Variants in NIN observed in about 807,000 individuals in gnomAD.
NIN encodes the protein ninein.
Under a neutral mutation model 257.6 loss-of-function variants are expected in NIN, and 137 were observed. The ratio of observed to expected loss-of-function variants is 0.53; its 90% confidence interval spans 0.46 to 0.61. The LOEUF is 0.61. Ranked by LOEUF, NIN falls within the 20% of genes least tolerant of loss-of-function variation. The pLI, the probability that NIN is intolerant of heterozygous loss-of-function variation, is 0.00. For missense variants in NIN, 2,439 were observed against 2,501.2 expected (o/e 0.98, Z 0.53); for synonymous variants, 918 against 919.8 (o/e 1.00, Z 0.04).
In NIN at chr14:50,757,237, C is replaced by T. The variant is rs2042069732; in HGVS notation, c.3793G>A (p.Glu1265Lys). 6.2e-7 allele frequency: 1 copy of T among 1,614,136 alleles called. No individual in the cohort carries two copies. The highest frequency in any genetic ancestry group is 8.5e-7 in the Non-Finnish European group (1 of 1,180,022). The part of the protein sequence containing the change: ...VSRENDCLQE[E>K]LRMMETRYDE... ...TAGCGTGTCTCCATCATTCTCAGCT[C>T]TTCCTGAAGGCAGTCATTTTCTCGG... The change falls in exon 18 of 31, where the codon GAG becomes AAG. Residue 1265 changes from glutamate (E) to lysine (K), a missense_variant. By Grantham distance (56) the Glu-to-Lys change is moderately conservative. Coordinates refer to ENST00000530997, the MANE Select transcript of NIN (RefSeq NM_020921.4).
At position 50,766,861 on chromosome 14, in the gene NIN, T is replaced by C. The variant is rs2042508700; in HGVS notation, c.1464A>G (p.Leu488=). 1 of 1,613,870 alleles carries C rather than the reference T, an allele frequency of 6.2e-7. No homozygotes were observed. The highest frequency in any genetic ancestry group is 1.3e-5 in the African/African-American group (1 of 75,060). The change falls in exon 13 of 31, where the codon CTA becomes CTG. Residue 488 remains leucine (L), a synonymous_variant. Coordinates refer to ENST00000530997, the MANE Select transcript of NIN (RefSeq NM_020921.4). ...KENSRLENEL[L]ENAEKLAEYE... is the part of the protein sequence containing the mutation. ...ATTCTGCCAACTTCTCTGCATTTTC[T>C]AGAAGCTCATTTTCCAGACGACTGT...
In NIN at chr14:50,752,609, T is replaced by G. The variant is rs1362624901; in HGVS notation, c.4859A>C (p.Gln1620Pro). The change falls in exon 21 of 31, where the codon CAG becomes CCG. Residue 1620 changes from glutamine (Q) to proline (P), a missense_variant. Transcript: ENST00000530997. ...ACTGTTTCCTGGCTCTTTTTCCTTC[T>G]GGCATAGCATTTCTGTTAGACGTTG... ...LNQRLTEMLCQKEKEPGNSAL... is the reference protein window; with the variant it reads ...LNQRLTEMLCPKEKEPGNSAL... The G allele has an allele frequency of 6.2e-7, 1 of 1,614,116 alleles. No individual in the cohort carries two copies. Among genetic ancestry groups the G allele is most frequent in the Admixed American group, 1.7e-5 (1 of 60,034 alleles).
chr14:50,762,265 A>G (rs1368194065), intron 15 of NIN, among the ~76,000 whole-genome samples: 1 of 152,154 alleles, frequency 6.6e-6, no homozygotes, highest in African/African-American at 2.4e-5. Context: ...AGCATGAGGT[A>G]GTTTGGTCAA....
chr14:50,727,157 A>G lies in NIN; in HGVS notation c.6079-1091T>C, dbSNP rs899213944. On this transcript the variant is annotated intron_variant, in intron 29 of 30. Transcript: ENST00000530997. ...ATGATGTCTATTTGCCCAACAAAGC[A>G]AAACAAAAAAAAAGATAATTCAAAG... 1.7e-5 allele frequency: 11 copies of G among 639,836 alleles called. No individual in the cohort carries two copies. In the Admixed American group the frequency reaches 3.8e-4, roughly 22 times the overall value. The allele number at this position is 639,836 out of a possible 1,614,324, so 39.6% of individuals were successfully genotyped here.
chr14:50,792,007 G>T (rs1325403271), intron 5 of NIN: 1 of 152,172 alleles, frequency 6.6e-6, no homozygotes, highest in African/African-American at 2.4e-5. Context: ...CTATAAATGG[G>T]ATGCTGGTAA....
In NIN at chr14:50,771,363, C is replaced by T; in HGVS notation, c.1087G>A (p.Ala363Thr). The T allele has an allele frequency of 1.2e-6, 2 of 1,614,152 alleles. No homozygotes were observed. Among genetic ancestry groups the T allele is most frequent in the South Asian group, 2.2e-5 (2 of 91,074 alleles). ...TKNSIHQAAL[A>T]SFKAEIRHLL... ...TGCCGGATTTCAGCCTTAAAGCTGG[C>T]CAGAGCCGCCTGGTGAATGCTGTTC... The change falls in exon 10 of 31, where the codon GCC becomes ACC. Residue 363 changes from alanine to threonine, a missense_variant. Physicochemically the swap from Ala to Thr is moderately conservative, Grantham distance 58. Transcript: ENST00000530997.
chr14:50,789,303 G>A lies in NIN; in HGVS notation c.435+3409C>T, dbSNP rs537471857. Among the ~76,000 whole-genome samples the A allele has an allele frequency of 5.3e-5, 8 of 152,316 alleles. No individual in the cohort carries two copies. The South Asian group carries it at 1.4e-3, about 28-fold the overall frequency. ...TAAAGAACTGTCAGAGGCCGGGAGC[G>A]GTGGCTCACGCCTGTAATCCCAGCA... On this transcript the variant is annotated intron_variant, in intron 5 of 30. Transcript: ENST00000530997.
At chr14:50,791,438 CT>C (rs1015485941) in intron 5 of NIN, among the ~76,000 whole-genome samples, 7 of 151,838 alleles carry the variant, frequency 4.6e-5, no homozygotes, top group African/African-American at 1.7e-4. Context: ...TCTTATACCA[CT>C]TTTGTGGGTT....
intron 3 of NIN, among the ~76,000 whole-genome samples, chr14:50,809,813 GC>G (rs1315616455): frequency 1.3e-5 from 2 of 152,148 alleles, no homozygotes; most frequent in African/African-American, 4.8e-5. Flanking sequence ...AAACACACAA[GC>G]TTTTGAGACT....
intron 2 of NIN, among the ~76,000 whole-genome samples, chr14:50,828,342 C>G (rs533227661): frequency 6.6e-5 from 10 of 152,314 alleles, no homozygotes; most frequent in African/African-American, 2.2e-4. Flanking sequence ...TGGTTAATTG[C>G]TGACTTAAAT....
At position 50,722,027 on chromosome 14, in the gene NIN, A is replaced by G. The variant is rs1338446030; in HGVS notation, c.*1436T>C. ...TAGATGGGCTTGGCCCTCCAGGAAT[A>G]TATCAAAGCGAACTTTTCGGATTAT... On this transcript the variant is annotated 3_prime_UTR_variant, in exon 31 of 31. Coordinates refer to ENST00000530997, the MANE Select transcript of NIN (RefSeq NM_020921.4). 1.3e-5 allele frequency: 3 copies of G among 229,196 alleles called. No homozygotes were observed. The highest frequency in any genetic ancestry group is 1.2e-4 in the East Asian group (2 of 16,164). The allele number at this position is 229,196 out of a possible 1,614,324, so 14.2% of individuals were successfully genotyped here.
chr14:50,822,228 C>G (rs370690001), intron 2 of NIN, among the ~76,000 whole-genome samples, 151 bp from the exon 3 acceptor site: 5 of 152,206 alleles, frequency 3.3e-5, no homozygotes, highest in African/African-American at 1.2e-4. Flanking sequence ...CAGCAAGACC[C>G]CCAGTCTCTG....
Position 50,766,304 on chromosome 14 carries a change from T to C in NIN, c.1635+3A>G. The C allele has an allele frequency of 6.2e-7, 1 of 1,612,336 alleles. No homozygotes were observed. The highest frequency in any genetic ancestry group is 8.5e-7 in the Non-Finnish European group (1 of 1,178,388). On this transcript the variant is annotated splice_donor_region_variant and intron_variant, in intron 14 of 30. Transcript: ENST00000530997. ...ACTTACTCAGTTCTCTTTGTCTACC[T>C]ACCCTGCACTGCCGCTCATATTCAT...
chr14:50,754,511 T>G, intron 20 of NIN, 52 bp downstream of exon 20: 1 of 1,446,194 alleles, frequency 6.9e-7, no homozygotes, highest in Non-Finnish European at 9.5e-7. Flanking sequence ...TTTCAAAAAA[T>G]GGGAAAATTT....
intron 7 of NIN, among the ~76,000 whole-genome samples, chr14:50,773,934 C>T (rs987571499): frequency 2.0e-5 from 3 of 152,146 alleles, no homozygotes; most frequent in Non-Finnish European, 4.4e-5. Flanking sequence ...AGCCACAGAA[C>T]GAGGAGGAAA....
At chr14:50,801,295 T>C (rs2044093075) in intron 4 of NIN, among the ~76,000 whole-genome samples, 1 of 152,182 alleles carries the variant, frequency 6.6e-6, no homozygotes, top group African/African-American at 2.4e-5. Context: ...TTCACCATGT[T>C]GGTCAGACTG....
chr14:50,756,160 A>AT (rs1222702127), intron 18 of NIN, among the ~76,000 whole-genome samples: 2 of 151,622 alleles, frequency 1.3e-5, no homozygotes, highest in African/African-American at 2.4e-5. Flanking sequence ...AGCAAAATAA[A>AT]AAAAAAAAAT....
intron 18 of NIN, 98 bp from the exon 19 acceptor site, chr14:50,754,965 C>A (rs1347137958): frequency 9.2e-6 from 7 of 759,264 alleles, no homozygotes; most frequent in Admixed American, 5.6e-5. Context: ...GTATTCAATG[C>A]CAGTTAAAAA....
At position 50,777,048 on chromosome 14, in the gene NIN, T is replaced by C. The variant is rs750936631; in HGVS notation, c.567A>G (p.Glu189=). 4 of 1,614,234 alleles carry C rather than the reference T, an allele frequency of 2.5e-6. No homozygotes were observed. The South Asian group carries it at 3.3e-5, about 13-fold the overall frequency. The change falls in exon 7 of 31, where the codon GAA becomes GAG. Residue 189 remains glutamate, a synonymous_variant. Coordinates refer to ENST00000530997, the MANE Select transcript of NIN (RefSeq NM_020921.4). ...GGGTGATCCCCAAATCTTCACAAAC[T>C]TCTTGCAGTTTCTCTTCTATCCAGT... ...PQDWIEEKLQ[E]VCEDLGITRD...
Sources: gnomAD v4.1 joint callset for allele counts (sites outside exome capture counted in the v4.1 genomes callset) on GRCh38, gnomAD v4.1.1 for gene constraint, MANE v1.5 for transcripts, NCBI Gene and HGNC (gene_info 2026-07-23, HGNC 2026-07-21) for gene names.